The following TDRD1 variants were observed in gnomAD, a reference collection of about 807,000 sequenced individuals.
TDRD1 encodes tudor domain-containing protein 1.
In TDRD1, 37 loss-of-function variants were observed where a neutral mutation model predicts 140.6. The ratio of observed to expected loss-of-function variants is 0.26; its 90% CI spans 0.20 to 0.35. The LOEUF (loss-of-function observed/expected upper bound fraction) is 0.35. TDRD1 is among the 10% of genes least tolerant of loss of function. The pLI is 1.00. For synonymous variants in TDRD1, 506 were observed against 475.7 expected, an observed-to-expected ratio of 1.06 and a Z score of -0.83; for missense variants, 1,243 against 1,393.0, an observed-to-expected ratio of 0.89 and a Z score of 1.71.
intron 14 of TDRD1, among the ~76,000 whole-genome samples, chr10:114,212,780 T>C (rs2035568430): frequency 6.6e-6 from 1 of 152,214 alleles, no homozygotes; most frequent in South Asian, 2.1e-4. Flanking sequence ...TTAATTTTAT[T>C]GGGCTATAAT....
intron 21 of TDRD1, among the ~76,000 whole-genome samples, 164 bp downstream of exon 21, chr10:114,222,867 G>A (rs3887692): frequency 0.058 from 8,808 of 152,202 alleles, 321 homozygotes; most frequent in Non-Finnish European, 0.079. Flanking sequence ...TGGTCATTCA[G>A]CTTTTCGATT....
In TDRD1 at chr10:114,221,355, A is replaced by G; in HGVS notation, c.2771-2A>G. Reference sequence around the variant, plus strand: ...TGAGACCTGTGTTTTGTATGTTTCCAGCTACCTCTTCAGCTGAGCAATGGA... The same window carrying G: ...TGAGACCTGTGTTTTGTATGTTTCCGGCTACCTCTTCAGCTGAGCAATGGA... On this transcript the variant is annotated splice_acceptor_variant, in intron 19 of 25. Transcript: ENST00000251864. LOFTEE classifies it high-confidence loss of function. 1.2e-6 allele frequency: 2 copies of G among 1,612,770 alleles called. 1 individual carries two copies. Among genetic ancestry groups the G allele is most frequent in the South Asian group, 2.2e-5 (2 of 90,904 alleles).
At chr10:114,177,759 C>G (rs1189310427), upstream of TDRD1, among the ~76,000 whole-genome samples, 1 of 152,022 alleles carries the variant, frequency 6.6e-6, no homozygotes, top group Non-Finnish European at 1.5e-5. Flanking sequence ...GCTAACAGAC[C>G]ATGCTAATAA....
chr10:114,210,550 A>G (rs1334163153), intron 11 of TDRD1, 31 bp from the exon 12 acceptor site: 1 of 1,538,468 alleles, frequency 6.5e-7, no homozygotes, highest in South Asian at 1.3e-5. Context: ...TGAAAACAAA[A>G]TGGCTTATTT....
chr10:114,229,750 C>G (rs2036645977), intron 25 of TDRD1, among the ~76,000 whole-genome samples: 1 of 150,732 alleles, frequency 6.6e-6, no homozygotes, highest in Non-Finnish European at 1.5e-5. Context: ...TTTCATAGAT[C>G]AAGGAACATG....
rs183292161 is a variant in TDRD1, at chr10:114,213,893, C to T, written c.2075-84C>T. ...TTAAAAAGTCAGTGGAAATTCAGTT[C>T]TTCAAAAGCGGGTTCCTCAGCCACC... On this transcript the variant is annotated intron_variant, in intron 15 of 25. Transcript: ENST00000251864. 55 of 1,285,714 alleles carry T rather than the reference C, an allele frequency of 4.3e-5. No individual in the cohort carries two copies. In the East Asian group the frequency reaches 1.2e-3, roughly 29 times the overall value. 79.6% of individuals were successfully genotyped at this position (1,285,714 alleles called of 1,614,324 possible). A position where few individuals can be genotyped will look rare whatever the true frequency, so the allele number is the denominator to read the frequency against.
exon 9 of TDRD1, chr10:114,204,086 C>T (rs2034944094): frequency 6.2e-7 from 1 of 1,604,928 alleles, no homozygotes; most frequent in Non-Finnish European, 8.5e-7. Context: ...TGGAACAGAG[C>T]AATCATACAA....
intron 8 of TDRD1, 104 bp downstream of exon 8, chr10:114,203,671 C>A: frequency 2.0e-6 from 2 of 1,009,072 alleles, no homozygotes; most frequent in Non-Finnish European, 2.9e-6. Flanking sequence ...TTAAAGCCAG[C>A]CTCTGATCAC....
exon 15 of TDRD1, chr10:114,213,359 A>G (rs1364373105): frequency 1.2e-6 from 2 of 1,612,136 alleles, no homozygotes; most frequent in Non-Finnish European, 1.7e-6. Flanking sequence ...TAAAGCCATC[A>G]TTAGGAATTT....
At chr10:114,209,281 A>T (rs1446430758) in intron 11 of TDRD1, among the ~76,000 whole-genome samples, 1 of 152,136 alleles carries the variant, frequency 6.6e-6, no homozygotes, top group East Asian at 1.9e-4. Flanking sequence ...AGCTGAATGG[A>T]ACTATCCAGA....
At chr10:114,225,420 G>A (rs1183820833) in intron 21 of TDRD1, among the ~76,000 whole-genome samples, 1 of 152,150 alleles carries the variant, frequency 6.6e-6, no homozygotes, top group Non-Finnish European at 1.5e-5. Context: ...TGCAAGCTGG[G>A]ATGCTTCTTG....
chr10:114,232,433 T>G (rs940680218), downstream of TDRD1: 3 of 152,012 alleles, frequency 2.0e-5, no homozygotes, highest in Non-Finnish European at 4.4e-5. Flanking sequence ...AGTTTGAATT[T>G]TTTTCATGAT....
chr10:114,196,664 C>T (rs560509049), intron 3 of TDRD1, among the ~76,000 whole-genome samples: 9 of 149,080 alleles, frequency 6.0e-5, no homozygotes, highest in Admixed American at 2.0e-4. Flanking sequence ...TTAAAAATTT[C>T]CCCCCCCATA....
chr10:114,211,280 G>A (rs1303931811), intron 13 of TDRD1, among the ~76,000 whole-genome samples: 1 of 152,124 alleles, frequency 6.6e-6, no homozygotes, highest in Non-Finnish European at 1.5e-5. Context: ...GCTAATAGGG[G>A]GATGTGGAAC....
intron 11 of TDRD1, 63 bp from the exon 12 acceptor site, chr10:114,210,518 A>G (rs569626313): frequency 8.9e-6 from 13 of 1,461,084 alleles, no homozygotes; most frequent in South Asian, 1.4e-5. Context: ...TAAAGCGTGC[A>G]TAATTTTTTT....
At chr10:114,190,929 C>A in intron 2 of TDRD1, 32 bp from the exon 3 acceptor site, 1 of 1,604,682 alleles carries the variant, frequency 6.2e-7, no homozygotes, top group East Asian at 2.2e-5. Context: ...TATTATTTGG[C>A]TTTTATTTGA....
intron 11 of TDRD1, among the ~76,000 whole-genome samples, chr10:114,208,002 C>T (rs924795468): frequency 1.3e-5 from 2 of 151,968 alleles, no homozygotes; most frequent in Non-Finnish European, 2.9e-5. Context: ...ATAAAGCCAT[C>T]TGGAAGTGAT....
intron 16 of TDRD1, among the ~76,000 whole-genome samples, chr10:114,214,682 C>T (rs1032330961): frequency 2.0e-5 from 3 of 152,116 alleles, no homozygotes; most frequent in African/African-American, 7.2e-5. Context: ...AAAACATTAC[C>T]AGTATCCCAG....
At chr10:114,213,289 C>A in intron 14 of TDRD1, 57 bp from the exon 15 acceptor site, 1 of 1,536,274 alleles carries the variant, frequency 6.5e-7, no homozygotes, top group Non-Finnish European at 8.8e-7. Context: ...AAATTAGGAG[C>A]TAAATTTCTA....
Sources: gnomAD v4.1 joint callset for allele counts (sites outside exome capture counted in the v4.1 genomes callset) on GRCh38, gnomAD v4.1.1 for gene constraint, MANE v1.5 for transcripts, NCBI Gene and HGNC (gene_info 2026-07-23, HGNC 2026-07-21) for gene names.